RAD54L2: variants seen among roughly 807,000 people sequenced by gnomAD.
RAD54L2 encodes the protein helicase ARIP4.
RAD54L2 carries 27 observed loss-of-function variants against 138.4 expected under a neutral mutation model. The ratio of observed to expected loss-of-function variants is 0.20; its 90% confidence interval spans 0.14 to 0.27. The LOEUF (loss-of-function observed/expected upper bound fraction) is 0.27. Among genes scored for constraint, RAD54L2 ranks in the 10% least tolerant of loss-of-function variants. RAD54L2 has a pLI of 1.00. For missense variants in RAD54L2, 1,396 were observed against 1,890.2 expected, an observed-to-expected ratio of 0.74 and a Z score of 4.85; for synonymous variants, 644 against 723.2, an observed-to-expected ratio of 0.89 and a Z score of 1.76.
At chr3:51,609,502 C>T (rs1375021928) in intron 3 of RAD54L2, among the ~76,000 whole-genome samples, 1 of 152,186 alleles carries the variant, frequency 6.6e-6, no homozygotes, top group Non-Finnish European at 1.5e-5. Context: ...TTTTCAGTTA[C>T]ACTTGAGTGC....
chr3:51,593,325 C>CTT lies in RAD54L2; in HGVS notation c.139+2780_139+2781dup, dbSNP rs57001963. Among the ~76,000 whole-genome samples, 10 of 143,016 alleles carry CTT rather than the reference C, an allele frequency of 7.0e-5. 1 individual carries two copies. The East Asian group carries it at 1.0e-3, about 15-fold the overall frequency. 93.8% of individuals were successfully genotyped at this position (143,016 alleles called of 152,430 possible). On this transcript the variant is annotated intron_variant, in intron 3 of 22. Coordinates refer to ENST00000684192, the MANE Select transcript of RAD54L2 (RefSeq NM_015106.4). Reference sequence around the variant, plus strand: ...TCACAAAAGAAACTTACTTCAGCCCCTTTTTTTTTTTTTTTATGTTTTTTT... The same window carrying CTT: ...TCACAAAAGAAACTTACTTCAGCCCCTTTTTTTTTTTTTTTTTATGTTTTTTT...
At chr3:51,642,710 T>C (rs1048854212) in intron 15 of RAD54L2, among the ~76,000 whole-genome samples, 6 of 152,064 alleles carry the variant, frequency 3.9e-5, no homozygotes, top group African/African-American at 1.2e-4. Context: ...ATGGAGAAAT[T>C]GCCCTCATTG....
At chr3:51,593,179 C>T (rs1383171510) in intron 3 of RAD54L2, among the ~76,000 whole-genome samples, 1 of 151,976 alleles carries the variant, frequency 6.6e-6, no homozygotes, top group Non-Finnish European at 1.5e-5. Context: ...ATGCTACTGT[C>T]ATCTTGTGGA....
At chr3:51,644,093 TC>T in intron 16 of RAD54L2, 119 bp downstream of exon 16, 1 of 767,736 alleles carries the variant, frequency 1.3e-6, no homozygotes, top group Non-Finnish European at 2.1e-6. Flanking sequence ...GTAACTTGTT[TC>T]TGGGGTCAGA....
At chr3:51,647,604 G>A (rs1411304592) in intron 19 of RAD54L2, among the ~76,000 whole-genome samples, 1 of 152,180 alleles carries the variant, frequency 6.6e-6, no homozygotes, top group Non-Finnish European at 1.5e-5. Flanking sequence ...GGGAGGCAGA[G>A]GTTGTGGTGA....
At chr3:51,603,772 ACCTCAG>A in intron 3 of RAD54L2, among the ~76,000 whole-genome samples, 1 of 151,954 alleles carries the variant, frequency 6.6e-6, no homozygotes, top group East Asian at 1.9e-4. Context: ...TTGTACTCCC[ACCTCAG>A]CCTTCCAAGT....
intron 3 of RAD54L2, among the ~76,000 whole-genome samples, chr3:51,617,806 G>T (rs1211578735): frequency 1.3e-5 from 2 of 152,154 alleles, no homozygotes; most frequent in Non-Finnish European, 2.9e-5. Context: ...TTGAACCTGG[G>T]AGTTTCAGGC....
chr3:51,633,469 A>G (rs543505236), intron 7 of RAD54L2, 108 bp from the exon 8 acceptor site: 32 of 1,103,472 alleles, frequency 2.9e-5, no homozygotes, highest in South Asian at 2.7e-4. Flanking sequence ...CCTGCTATCT[A>G]TTATAACGCC....
At chr3:51,617,597 C>T (rs1327971026) in intron 3 of RAD54L2, among the ~76,000 whole-genome samples, 1 of 152,062 alleles carries the variant, frequency 6.6e-6, no homozygotes, top group Non-Finnish European at 1.5e-5. Flanking sequence ...TATTCTAGGC[C>T]AGGTATGGTG....
rs1698480391 is a variant in RAD54L2 at position 51,538,905 on chromosome 3, C to G, written c.-127C>G. On this transcript the variant is annotated 5_prime_UTR_variant, in exon 1 of 23. Transcript: ENST00000684192. ...CGCGGTCCGGCGCGGCCCGGAGCCG[C>G]GGCGCAGGAGGTGAGACGCCGGTGC... 6.6e-6 allele frequency among the ~76,000 whole-genome samples: 1 copy of G among 152,146 alleles called. No homozygotes were observed. The highest frequency in any genetic ancestry group is 1.5e-5 in the Non-Finnish European group (1 of 67,998).
At chr3:51,599,933 A>T (rs1050751018) in intron 3 of RAD54L2, among the ~76,000 whole-genome samples, 7 of 134,816 alleles carry the variant, frequency 5.2e-5, no homozygotes, top group Non-Finnish European at 1.1e-4. Flanking sequence ...TAACTTTTTT[A>T]TTTTTTATTT....
chr3:51,648,485 G>T (rs1021570054), intron 19 of RAD54L2, among the ~76,000 whole-genome samples: 5 of 152,228 alleles, frequency 3.3e-5, no homozygotes, highest in African/African-American at 1.2e-4. Flanking sequence ...AGAATGGACA[G>T]TCTGCCTCCT....
intron 2 of RAD54L2, among the ~76,000 whole-genome samples, chr3:51,570,168 CAG>C (rs1483013024): frequency 3.5e-5 from 4 of 114,400 alleles, no homozygotes; most frequent in African/African-American, 1.0e-4. Flanking sequence ...TTTTTTGAGA[CAG>C]AGTCTCACTC....
intron 3 of RAD54L2, among the ~76,000 whole-genome samples, chr3:51,605,677 C>T (rs1387405071): frequency 1.3e-5 from 2 of 152,102 alleles, no homozygotes; most frequent in Non-Finnish European, 2.9e-5. Context: ...GTCTCGAACT[C>T]CTGACCTCAA....
intron 19 of RAD54L2, among the ~76,000 whole-genome samples, chr3:51,647,410 G>C (rs985542182): frequency 6.6e-6 from 1 of 152,170 alleles, no homozygotes; most frequent in Non-Finnish European, 1.5e-5. Context: ...GCTCACGCCT[G>C]TAATCCCAGC....
intron 3 of RAD54L2, among the ~76,000 whole-genome samples, chr3:51,607,421 G>A (rs934360397): frequency 6.6e-6 from 1 of 152,060 alleles, no homozygotes; most frequent in Non-Finnish European, 1.5e-5. Flanking sequence ...CACGGGGTTG[G>A]GGGTAAGGTT....
intron 2 of RAD54L2, among the ~76,000 whole-genome samples, chr3:51,585,779 G>T (rs1180722270): frequency 6.6e-6 from 1 of 152,056 alleles, no homozygotes; most frequent in South Asian, 2.1e-4. Flanking sequence ...TTTTCAGAGC[G>T]GTCCTCTTTA....
intron 2 of RAD54L2, among the ~76,000 whole-genome samples, chr3:51,544,021 A>C (rs1020739638): frequency 6.6e-6 from 1 of 152,150 alleles, no homozygotes; most frequent in Non-Finnish European, 1.5e-5. Flanking sequence ...TTTTAAAAAA[A>C]ATTATTTATA....
At chr3:51,559,324 G>A (rs1258541329) in intron 2 of RAD54L2, among the ~76,000 whole-genome samples, 2 of 152,138 alleles carry the variant, frequency 1.3e-5, no homozygotes, top group Non-Finnish European at 2.9e-5. Flanking sequence ...CTTAATGAGG[G>A]TAGAACATTT....
Sources: gnomAD v4.1 joint callset for allele counts (sites outside exome capture counted in the v4.1 genomes callset) on GRCh38, gnomAD v4.1.1 for gene constraint, MANE v1.5 for transcripts, NCBI Gene and HGNC (gene_info 2026-07-23, HGNC 2026-07-21) for gene names.